The following SYCE1L variants were observed in gnomAD, a reference collection of about 807,000 sequenced individuals.
SYCE1L encodes the protein synaptonemal complex central element protein 1-like.
In SYCE1L, 51 loss-of-function variants were observed where a neutral mutation model predicts 39.6. The observed-to-expected ratio is 1.29, with a 90% CI of 1.03 to 1.63. The LOEUF (loss-of-function observed/expected upper bound fraction) is 1.63, where lower values mean the gene tolerates loss of function less well. SYCE1L is among the 40% of genes most tolerant of loss of function. The pLI is 0.00. For missense variants in SYCE1L, 426 were observed against 304.9 expected (o/e 1.40, Z -2.96); for synonymous variants, 147 against 122.4 (o/e 1.20, Z -1.33).
At chr16:77,212,503 C>G (rs1432297475) in intron 9 of SYCE1L, 71 bp from the exon 10 acceptor site, 1 of 1,538,760 alleles carries the variant, frequency 6.5e-7, no homozygotes, top group Non-Finnish European at 8.7e-7. Flanking sequence ...GTCTCCGCGT[C>G]TCGGTGGCTT....
At chr16:77,207,647 G>C (rs1049623998) in intron 2 of SYCE1L, among the ~76,000 whole-genome samples, 5 of 152,154 alleles carry the variant, frequency 3.3e-5, no homozygotes, top group African/African-American at 1.2e-4. Flanking sequence ...ACATCTAAAG[G>C]CTTCCACGGT....
intron 2 of SYCE1L, among the ~76,000 whole-genome samples, chr16:77,207,337 G>C (rs1315115348): frequency 6.6e-6 from 1 of 152,150 alleles, no homozygotes; most frequent in East Asian, 1.9e-4. Flanking sequence ...ACAGCTTTTT[G>C]CCCCAGTTCC....
At chr16:77,209,585 AAT>A (rs1457314228) in intron 6 of SYCE1L, 114 bp downstream of exon 6, 20 of 1,125,818 alleles carry the variant, frequency 1.8e-5, no homozygotes, top group Non-Finnish European at 2.4e-5. Flanking sequence ...CTTTCTATAA[AAT>A]AGAGCAGCCT....
intron 7 of SYCE1L, 133 bp from the exon 8 acceptor site, chr16:77,211,997 T>G: frequency 9.6e-7 from 1 of 1,037,278 alleles, no homozygotes; most frequent in Non-Finnish European, 1.4e-6. Flanking sequence ...AACTGCACAT[T>G]GAGTTAATAA....
chr16:77,205,094 T>C (rs2054776815), intron 1 of SYCE1L, among the ~76,000 whole-genome samples: 1 of 151,352 alleles, frequency 6.6e-6, no homozygotes, highest in South Asian at 2.1e-4. Context: ...GGTATGTTTG[T>C]ATATACATTG....
intron 7 of SYCE1L, 131 bp downstream of exon 7, chr16:77,211,407 C>A: frequency 9.3e-7 from 1 of 1,076,498 alleles, no homozygotes; most frequent in Non-Finnish European, 1.4e-6. Flanking sequence ...CTTCCGCTTG[C>A]CCACCTATTC....
At chr16:77,206,875 G>A (rs2142516043) in intron 2 of SYCE1L, among the ~76,000 whole-genome samples, 1 of 152,268 alleles carries the variant, frequency 6.6e-6, no homozygotes, top group South Asian at 2.1e-4. Flanking sequence ...AAATGCAGTT[G>A]GTTTTGCACC....
chr16:77,199,507 C>G lies in SYCE1L; in HGVS notation c.56C>G (p.Ala19Gly). 3.2e-6 allele frequency: 5 copies of G among 1,551,326 alleles called. No homozygotes were observed. Among genetic ancestry groups the G allele is most frequent in the Non-Finnish European group, 4.4e-6 (5 of 1,146,854 alleles). ...NVEAPEATEE[A>G]EGQAKSLKTE... ...GAGGCGCCAGAAGCTACTGAGGAGGCTGAAGGTAGTGAGGGCAAGTGGGCT... is the reference window on the plus strand; with the variant it reads ...GAGGCGCCAGAAGCTACTGAGGAGGGTGAAGGTAGTGAGGGCAAGTGGGCT... The change falls in exon 1 of 11, where the codon GCT becomes GGT. Residue 19 changes from alanine to glycine, a missense_variant. Transcript: ENST00000378644.
At chr16:77,211,139 C>T in intron 6 of SYCE1L, 74 bp from the exon 7 acceptor site, 1 of 1,488,900 alleles carries the variant, frequency 6.7e-7, no homozygotes, top group Non-Finnish European at 9.2e-7. Context: ...GATCTGAAGG[C>T]CTGTGCATGA....
chr16:77,211,212 G>A lies in SYCE1L; in HGVS notation c.360-1G>A. The A allele has an allele frequency of 2.6e-6, 4 of 1,551,974 alleles. No individual in the cohort carries two copies. The highest frequency in any genetic ancestry group is 3.5e-6 in the Non-Finnish European group (4 of 1,147,066). On this transcript the variant is annotated splice_acceptor_variant, in intron 6 of 10. Transcript: ENST00000378644. LOFTEE classifies it high-confidence loss of function. ...TCTTATTCCTGGGTGTCGGCCTCCAGGTTGGATGTCAGAGGACAGCTGGAG... is the reference window on the plus strand; with the variant it reads ...TCTTATTCCTGGGTGTCGGCCTCCAAGTTGGATGTCAGAGGACAGCTGGAG...
intron 1 of SYCE1L, 79 bp downstream of exon 1, chr16:77,199,591 T>G: frequency 1.8e-6 from 2 of 1,107,630 alleles, no homozygotes; most frequent in South Asian, 1.5e-5. Context: ...ATTACAATAA[T>G]GAAATAATGA....
At chr16:77,210,319 C>T (rs1035166788) in intron 6 of SYCE1L, among the ~76,000 whole-genome samples, 9 of 152,156 alleles carry the variant, frequency 5.9e-5, no homozygotes, top group Non-Finnish European at 8.8e-5. Flanking sequence ...GGATTACAGG[C>T]GTGAGCTACC....
intron 1 of SYCE1L, among the ~76,000 whole-genome samples, chr16:77,206,202 G>T (rs1380108498): frequency 6.6e-6 from 1 of 152,146 alleles, no homozygotes; most frequent in Non-Finnish European, 1.5e-5. Context: ...GATGTTTGTG[G>T]TGGTGTTTTT....
chr16:77,208,895 C>T (rs763982546), intron 4 of SYCE1L, among the ~76,000 whole-genome samples: 2 of 152,208 alleles, frequency 1.3e-5, no homozygotes, highest in Admixed American at 6.5e-5. Context: ...ACTCCTTCAA[C>T]ATTTACAAAG....
intron 2 of SYCE1L, among the ~76,000 whole-genome samples, chr16:77,206,947 G>A (rs2142516129): frequency 6.6e-6 from 1 of 152,278 alleles, no homozygotes; most frequent in Non-Finnish European, 1.5e-5. Context: ...CATCAGAGCT[G>A]AGGCAGTGCT....
intron 1 of SYCE1L, chr16:77,200,910 A>G (rs1477878995): frequency 1.3e-5 from 2 of 152,326 alleles, no homozygotes; most frequent in East Asian, 3.9e-4. Context: ...AGTATGCTTT[A>G]ACTGTTGTCA....
intron 1 of SYCE1L, among the ~76,000 whole-genome samples, chr16:77,203,589 T>C (rs1321344449): frequency 1.6e-5 from 2 of 124,554 alleles, no homozygotes; most frequent in Admixed American, 8.2e-5. Context: ...TTCAAGTTAC[T>C]TCCTTTTTTT....
chr16:77,208,462 C>T lies in SYCE1L; in HGVS notation c.182-3C>T, dbSNP rs2054800942. Reference sequence around the variant, plus strand: ...ACAGTGTCTTTTTCCCTTCTTGGCCCAGCAAAGAAGAAATCCAGTGAGGAA... The same window carrying T: ...ACAGTGTCTTTTTCCCTTCTTGGCCTAGCAAAGAAGAAATCCAGTGAGGAA... On this transcript the variant is annotated splice_polypyrimidine_tract_variant and splice_region_variant and intron_variant, in intron 3 of 10. Coordinates refer to ENST00000378644, the MANE Select transcript of SYCE1L (RefSeq NM_001129979.3). 6.4e-7 allele frequency: 1 copy of T among 1,551,558 alleles called. No individual in the cohort carries two copies.
At chr16:77,204,446 T>G (rs566374776) in intron 1 of SYCE1L, among the ~76,000 whole-genome samples, 1 of 152,160 alleles carries the variant, frequency 6.6e-6, no homozygotes, top group Non-Finnish European at 1.5e-5. Context: ...GAGGGAAATA[T>G]AGACACATAA....
Sources: allele counts gnomAD v4.1 joint callset (sites outside exome capture counted in the v4.1 genomes callset), GRCh38; gene constraint gnomAD v4.1.1; transcripts MANE v1.5; gene names NCBI Gene and HGNC (gene_info 2026-07-23, HGNC 2026-07-21).